Variants in CYP4Z1 observed in about 807,000 individuals in gnomAD.
The protein encoded by CYP4Z1 is cytochrome P450 family 4 subfamily Z member 1, also known as cytochrome P450 4Z1.
In CYP4Z1, 41 loss-of-function variants were observed where a neutral mutation model predicts 54.2. That is an observed-to-expected ratio of 0.76 (90% CI 0.59 to 0.98). The LOEUF is 0.98. CYP4Z1 is among the 50% of genes least tolerant of loss of function. The pLI is 0.00. For missense variants in CYP4Z1, 513 were observed against 599.0 expected (o/e 0.86, Z 1.50); for synonymous variants, 163 against 206.2 (o/e 0.79, Z 1.79).
intron 8 of CYP4Z1, among the ~76,000 whole-genome samples, chr1:47,104,356 A>C (rs925589569): frequency 3.9e-5 from 6 of 152,182 alleles, no homozygotes; most frequent in Admixed American, 2.6e-4. Context: ...TAGGCTGAGC[A>C]TGCCCGTTCT....
chr1:47,106,539 G>A (rs1644759072), intron 9 of CYP4Z1, among the ~76,000 whole-genome samples: 1 of 152,132 alleles, frequency 6.6e-6, no homozygotes, highest in Non-Finnish European at 1.5e-5. Context: ...AAACTTAAAG[G>A]ACTAGATTTA....
intron 4 of CYP4Z1, among the ~76,000 whole-genome samples, chr1:47,083,397 G>A (rs970219657): frequency 3.3e-5 from 5 of 152,084 alleles, no homozygotes; most frequent in Admixed American, 1.3e-4. Context: ...CTATGCATCA[G>A]GCTTATTATA....
At chr1:47,107,402 T>G (rs1644764268) in intron 9 of CYP4Z1, among the ~76,000 whole-genome samples, 2 of 152,136 alleles carry the variant, frequency 1.3e-5, no homozygotes, top group Admixed American at 6.5e-5. Flanking sequence ...AGATCTTTGC[T>G]ATCATGGGGA....
intron 11 of CYP4Z1, 26 bp from the exon 12 acceptor site, chr1:47,117,740 C>G: frequency 1.3e-6 from 2 of 1,587,690 alleles, no homozygotes; most frequent in South Asian, 2.3e-5. Flanking sequence ...CATTAGATGC[C>G]ATGTTTTCTT....
chr1:47,083,902 C>G (rs905550327), intron 4 of CYP4Z1, among the ~76,000 whole-genome samples: 4 of 152,216 alleles, frequency 2.6e-5, no homozygotes, highest in African/African-American at 9.6e-5. Flanking sequence ...TTCAGAACAT[C>G]TGATTTTAGT....
chr1:47,079,868 G>GGAGAGA (rs3066524), intron 2 of CYP4Z1, among the ~76,000 whole-genome samples: 1 of 106,030 alleles, frequency 9.4e-6, no homozygotes, highest in Non-Finnish European at 1.9e-5. Flanking sequence ...ATGGACAGAG[G>GGAGAGA]GAGAGAGAGA....
chr1:47,098,023 G>A (rs1043993969), intron 7 of CYP4Z1, among the ~76,000 whole-genome samples: 1 of 151,870 alleles, frequency 6.6e-6, no homozygotes, highest in African/African-American at 2.4e-5. Context: ...CACCATGTTG[G>A]CCAGGCTGGT....
At chr1:47,110,978 A>C (rs1644788569) in intron 9 of CYP4Z1, among the ~76,000 whole-genome samples, 1 of 151,748 alleles carries the variant, frequency 6.6e-6, no homozygotes, top group Non-Finnish European at 1.5e-5. Flanking sequence ...TTGTTTTTTG[A>C]AAGTGATCTT....
chr1:47,115,082 G>A (rs968939569), intron 9 of CYP4Z1, among the ~76,000 whole-genome samples: 10 of 152,190 alleles, frequency 6.6e-5, no homozygotes, highest in Non-Finnish European at 1.0e-4. Flanking sequence ...TTAAGAAAAT[G>A]TGGCTCATAT....
chr1:47,066,938 G>T (rs1644454441), upstream of CYP4Z1, among the ~76,000 whole-genome samples: 1 of 151,892 alleles, frequency 6.6e-6, no homozygotes, highest in African/African-American at 2.4e-5. Flanking sequence ...ACGATAATGT[G>T]TCATTGTAGG....
Position 47,117,774 on chromosome 1 carries a change from T to C in CYP4Z1, c.1358T>C (p.Ile453Thr), listed in dbSNP as rs1044614444. 6.2e-7 allele frequency: 1 copy of C among 1,612,514 alleles called. No homozygotes were observed. Among genetic ancestry groups the C allele is most frequent in the Non-Finnish European group, 8.5e-7 (1 of 1,179,316 alleles). The change falls in exon 12 of 12, where the codon ATT (isoleucine) becomes ACT (threonine). Residue 453 changes from isoleucine (I) to threonine (T), a missense_variant. Ile to Thr is a moderately conservative substitution (Grantham distance 89, BLOSUM62 -1). Coordinates refer to ENST00000334194, the MANE Select transcript of CYP4Z1 (RefSeq NM_178134.3). ...IPFSAGLRNC[I>T]GQHFAIIECK... ...TTTCTTGGTATCCCCAGGAACTGCA[T>C]TGGGCAGCATTTTGCCATAATTGAG...
intron 6 of CYP4Z1, among the ~76,000 whole-genome samples, chr1:47,091,623 T>C (rs533831719): frequency 4.7e-5 from 7 of 149,868 alleles, no homozygotes; most frequent in African/African-American, 1.7e-4. Flanking sequence ...GAGTGACTAC[T>C]GCTTATCCTG....
chr1:47,116,981 G>A (rs1355811007), intron 11 of CYP4Z1, among the ~76,000 whole-genome samples: 1 of 152,196 alleles, frequency 6.6e-6, no homozygotes, highest in Non-Finnish European at 1.5e-5. Flanking sequence ...CCATCCTCAT[G>A]ACAGGCCCAA....
chr1:47,057,335 A>AAAAAAAAAAAATATATATATATAT, the CYP4Z1 span, among the ~76,000 whole-genome samples: 1 of 28,488 alleles, frequency 3.5e-5, no homozygotes, highest in Non-Finnish European at 8.4e-5. Context: ...AAGAAAAAAA[A>AAAAAAAAAAAATATATATATATAT]ATATATATAT....
the CYP4Z1 span, among the ~76,000 whole-genome samples, chr1:47,057,479 AT>A: frequency 0.38 from 45,812 of 120,152 alleles, 9,789 homozygotes; most frequent in East Asian, 0.92. Context: ...GACTTGGTTA[AT>A]TTTTTTTTTT....
chr1:47,110,706 A>G (rs2653917), intron 9 of CYP4Z1, among the ~76,000 whole-genome samples: 9 of 152,120 alleles, frequency 5.9e-5, no homozygotes, highest in South Asian at 2.1e-4. Flanking sequence ...TCCAGAAACC[A>G]TTTAAAAGAG....
chr1:47,065,706 C>CA (rs1002369285), upstream of CYP4Z1, among the ~76,000 whole-genome samples: 3 of 150,688 alleles, frequency 2.0e-5, no homozygotes, highest in African/African-American at 7.3e-5. Context: ...GAAATTGAAA[C>CA]AAAAAAAATA....
In CYP4Z1 at chr1:47,082,466, G is replaced by A; in HGVS notation, c.492+5G>A. The A allele has an allele frequency of 6.2e-7, 1 of 1,606,306 alleles. No homozygotes were observed. Among genetic ancestry groups the A allele is most frequent in the South Asian group, 1.1e-5 (1 of 89,292 alleles). The stretch of plus-strand genomic sequence containing the variant: ...GAGAGTGTTCGGATGATGCTGGTAA[G>A]AGGAGAAGAGAGCATTCGTACCTGG... On this transcript the variant is annotated splice_donor_5th_base_variant and intron_variant, in intron 4 of 11. Transcript: ENST00000334194.
chr1:47,103,284 G>A (rs1201042616), intron 8 of CYP4Z1, among the ~76,000 whole-genome samples: 4 of 151,518 alleles, frequency 2.6e-5, no homozygotes, highest in Admixed American at 6.6e-5. Flanking sequence ...GGCTCAAGCA[G>A]TCTTCCTGTT....
Sources: gnomAD v4.1 joint callset for allele counts (sites outside exome capture counted in the v4.1 genomes callset) on GRCh38, gnomAD v4.1.1 for gene constraint, MANE v1.5 for transcripts, NCBI Gene and HGNC (gene_info 2026-07-23, HGNC 2026-07-21) for gene names.